The following ZDHHC2 variants were observed in gnomAD, a reference collection of about 807,000 sequenced individuals.
ZDHHC2 encodes the protein palmitoyltransferase ZDHHC2.
In ZDHHC2, 51 loss-of-function variants were observed where a neutral mutation model predicts 55.6. The ratio of observed to expected loss-of-function variants is 0.92; its 90% CI spans 0.73 to 1.16. ZDHHC2 has a LOEUF of 1.16. Ranked by LOEUF, ZDHHC2 falls within the 50% of genes most tolerant of loss-of-function variation. The pLI is 0.00. For missense variants in ZDHHC2, 491 were observed against 442.4 expected (o/e 1.11, Z -0.99); for synonymous variants, 199 against 152.9 (o/e 1.30, Z -2.22).
chr8:17,157,265 T>TGCTGGCCTTGGCGGCGGA (rs1378549718), intron 1 of ZDHHC2, among the ~76,000 whole-genome samples: 1 of 152,000 alleles, frequency 6.6e-6, no homozygotes, highest in Non-Finnish European at 1.5e-5. Flanking sequence ...CGCGCGGGGG[T>TGCTGGCCTTGGCGGCGGA]GCTGGCCTTG....
At chr8:17,199,615 C>CTTCTTCTTCCT (rs1554466237) in intron 6 of ZDHHC2, among the ~76,000 whole-genome samples, 7 of 50,822 alleles carry the variant, frequency 1.4e-4, no homozygotes, top group East Asian at 3.1e-4. Context: ...CTTTCTTCTT[C>CTTCTTCTTCCT]TTCTTCTTCC....
chr8:17,160,252 A>C (rs1373731180), intron 1 of ZDHHC2, among the ~76,000 whole-genome samples: 1 of 152,222 alleles, frequency 6.6e-6, no homozygotes, highest in African/African-American at 2.4e-5. Context: ...ATAGTACAAG[A>C]AACTTCCACA....
intron 6 of ZDHHC2, among the ~76,000 whole-genome samples, chr8:17,199,491 T>TCTTCG (rs1806524908): frequency 1.3e-4 from 5 of 37,302 alleles, no homozygotes; most frequent in Admixed American, 2.7e-4. Flanking sequence ...CTTCTTCTTC[T>TCTTCG]TCTTCTTCTT....
At position 17,190,187 on chromosome 8, in the gene ZDHHC2, C is replaced by T. The variant is rs534187776; in HGVS notation, c.252+3762C>T. On this transcript the variant is annotated intron_variant, in intron 3 of 12. Coordinates refer to ENST00000262096, the MANE Select transcript of ZDHHC2 (RefSeq NM_016353.5). ...TACCAATACACTTGAACCTGGGAGGCGGAGGTTGCAGTGAGCCGAGATCGC... is the reference window on the plus strand; with the variant it reads ...TACCAATACACTTGAACCTGGGAGGTGGAGGTTGCAGTGAGCCGAGATCGC... 5.9e-5 allele frequency among the ~76,000 whole-genome samples: 9 copies of T among 151,404 alleles called. No homozygotes were observed. In the South Asian group the frequency reaches 1.7e-3, roughly 28 times the overall value.
chr8:17,187,033 A>G (rs1471703669), intron 3 of ZDHHC2, among the ~76,000 whole-genome samples: 1 of 152,198 alleles, frequency 6.6e-6, no homozygotes, highest in African/African-American at 2.4e-5. Context: ...CTTCAAGAAC[A>G]CTTTCTAGAC....
intron 8 of ZDHHC2, among the ~76,000 whole-genome samples, chr8:17,209,596 T>G (rs889992717): frequency 6.6e-6 from 1 of 152,194 alleles, no homozygotes; most frequent in African/African-American, 2.4e-5. Context: ...TAGATCTATG[T>G]TTATGGATCC....
At chr8:17,191,914 T>C (rs1290984451) in intron 3 of ZDHHC2, among the ~76,000 whole-genome samples, 2 of 152,190 alleles carry the variant, frequency 1.3e-5, no homozygotes, top group Non-Finnish European at 2.9e-5. Context: ...TAATTTACAT[T>C]CTCACCAACA....
chr8:17,210,090 A>G, intron 9 of ZDHHC2, 32 bp downstream of exon 9: 1 of 1,565,608 alleles, frequency 6.4e-7, no homozygotes. Context: ...CAGGCTTTAA[A>G]CTAATGAAAA....
At chr8:17,195,915 G>T (rs1334558837) in intron 4 of ZDHHC2, among the ~76,000 whole-genome samples, 1 of 152,110 alleles carries the variant, frequency 6.6e-6, no homozygotes. Flanking sequence ...TTGATTTATG[G>T]TAGTACTCAT....
intron 3 of ZDHHC2, among the ~76,000 whole-genome samples, chr8:17,188,703 A>C (rs1805858084): frequency 6.6e-6 from 1 of 152,160 alleles, no homozygotes; most frequent in Admixed American, 6.5e-5. Flanking sequence ...CGCAGCTCTC[A>C]GATTAATATA....
chr8:17,184,698 CATT>C, intron 1 of ZDHHC2, 88 bp from the exon 2 acceptor site: 1 of 1,055,276 alleles, frequency 9.5e-7, no homozygotes, highest in Non-Finnish European at 1.4e-6. Context: ...AGGGAAGCCA[CATT>C]ATTAAGCTAC....
At position 17,193,162 on chromosome 8, in the gene ZDHHC2, C is replaced by G. The variant is rs533336469; in HGVS notation, c.253-2342C>G. 8.5e-5 allele frequency among the ~76,000 whole-genome samples: 13 copies of G among 152,288 alleles called. No homozygotes were observed. The East Asian group carries it at 2.5e-3, about 29-fold the overall frequency. ...TGGCTATTCTGGGTCTTTTGTGATT[C>G]CATATACATTTTAGTATTTGTCCTC... On this transcript the variant is annotated intron_variant, in intron 3 of 12. Transcript: ENST00000262096.
At chr8:17,193,903 G>C (rs1260118141) in intron 3 of ZDHHC2, among the ~76,000 whole-genome samples, 1 of 152,200 alleles carries the variant, frequency 6.6e-6, no homozygotes, top group Non-Finnish European at 1.5e-5. Flanking sequence ...ATTTATCCTA[G>C]TGCTGTCCCT....
intron 1 of ZDHHC2, chr8:17,162,769 A>C (rs1444655108): frequency 1.3e-5 from 2 of 152,224 alleles, no homozygotes; most frequent in Non-Finnish European, 2.9e-5. Context: ...TTTCCACAGC[A>C]GAGTGGTAGG....
At chr8:17,196,328 C>T (rs1806305984) in intron 4 of ZDHHC2, among the ~76,000 whole-genome samples, 1 of 152,042 alleles carries the variant, frequency 6.6e-6, no homozygotes, top group Admixed American at 6.6e-5. Flanking sequence ...CCAGTTCAAA[C>T]TGACATGTGC....
At chr8:17,209,658 T>C (rs1305014261) in intron 8 of ZDHHC2, among the ~76,000 whole-genome samples, 15 of 152,218 alleles carry the variant, frequency 9.9e-5, no homozygotes, top group Non-Finnish European at 1.5e-5. Context: ...AGTTTTAGTT[T>C]ATTTGCTAGT....
chr8:17,165,817 C>T (rs914372718), intron 1 of ZDHHC2, among the ~76,000 whole-genome samples: 5 of 152,166 alleles, frequency 3.3e-5, no homozygotes, highest in African/African-American at 1.2e-4. Flanking sequence ...GAGAAGAACT[C>T]ATGAAATTTA....
chr8:17,186,990 A>G (rs1009027191), intron 3 of ZDHHC2, among the ~76,000 whole-genome samples: 1 of 152,202 alleles, frequency 6.6e-6, no homozygotes, highest in Non-Finnish European at 1.5e-5. Context: ...CAGCAGACCA[A>G]AGAAAGTAGG....
chr8:17,212,233 T>C (rs1807421858), intron 10 of ZDHHC2, among the ~76,000 whole-genome samples: 1 of 152,154 alleles, frequency 6.6e-6, no homozygotes, highest in Non-Finnish European at 1.5e-5. Context: ...CAAGTTCTGT[T>C]CTCTTCTTTA....
Sources: gnomAD v4.1 joint callset for allele counts (sites outside exome capture counted in the v4.1 genomes callset) on GRCh38, gnomAD v4.1.1 for gene constraint, MANE v1.5 for transcripts, NCBI Gene and HGNC (gene_info 2026-07-23, HGNC 2026-07-21) for gene names.